KIF1A: variants seen among roughly 807,000 people sequenced by gnomAD.
The protein encoded by KIF1A is kinesin-like protein KIF1A.
Under a neutral mutation model 227.3 loss-of-function variants are expected in KIF1A, and 46 were observed. That is an observed-to-expected ratio of 0.20 (90% CI 0.16 to 0.26). The LOEUF is 0.26. Among genes scored for constraint, KIF1A ranks in the 10% least tolerant of loss-of-function variants. The pLI is 1.00. For synonymous variants in KIF1A, 1,022 were observed against 1,012.8 expected (o/e 1.01, Z -0.17); for missense variants, 1,683 against 2,485.9 (o/e 0.68, Z 6.87).
chr2:240,796,645 A>C (rs1481240450), intron 2 of KIF1A, among the ~76,000 whole-genome samples: 3 of 152,206 alleles, frequency 2.0e-5, no homozygotes, highest in Non-Finnish European at 2.9e-5. Context: ...CAGCCGCAGC[A>C]GCCTCCATAC....
chr2:240,767,554 AG>A, intron 17 of KIF1A, among the ~76,000 whole-genome samples: 1 of 152,358 alleles, frequency 6.6e-6, no homozygotes, highest in Non-Finnish European at 1.5e-5. Flanking sequence ...CAACAGCAGC[AG>A]GCCGGTGGGA....
rs994298069 is a variant in KIF1A at position 240,740,420 on chromosome 2, G to A, written c.3750-56C>T. 1.7e-5 allele frequency: 25 copies of A among 1,449,642 alleles called. No homozygotes were observed. The highest frequency in any genetic ancestry group is 4.5e-5 in the East Asian group (2 of 44,092). The allele number at this position is 1,449,642 out of a possible 1,614,324, so 89.8% of individuals were successfully genotyped here. A position where few individuals can be genotyped will look rare whatever the true frequency, so the allele number is the denominator to read the frequency against. ...CCAGCCCCTCCTCTCTGCCCTCCCC[G>A]CAGCACAGGACACAGTGGACGGGAG... On this transcript the variant is annotated intron_variant, in intron 35 of 48. Coordinates refer to ENST00000498729, the MANE Select transcript of KIF1A (RefSeq NM_001244008.2). The surrounding 1 kb of genome is among the most constrained non-coding windows in gnomAD (Gnocchi z 6.1).
chr2:240,718,677 A>C (rs1361929324), intron 47 of KIF1A, among the ~76,000 whole-genome samples: 1 of 152,188 alleles, frequency 6.6e-6, no homozygotes, highest in Non-Finnish European at 1.5e-5. Flanking sequence ...CCATTCCTGC[A>C]GGGCTGGTGC....
intron 48 of KIF1A, 62 bp downstream of exon 48, chr2:240,717,988 G>A (rs546641306): frequency 3.7e-6 from 4 of 1,075,900 alleles, no homozygotes; most frequent in African/African-American, 1.6e-5. Flanking sequence ...AATGGTCCTG[G>A]CCAGGAGCCG....
intron 25 of KIF1A, among the ~76,000 whole-genome samples, chr2:240,759,257 G>A (rs933443257): frequency 6.6e-6 from 1 of 152,018 alleles, no homozygotes; most frequent in African/African-American, 2.4e-5. Flanking sequence ...GGGGGGCACT[G>A]CAGGCTGGGG....
In KIF1A at chr2:240,741,348, G is replaced by A. The variant is rs368577433; in HGVS notation, c.3670C>T (p.Arg1224Trp). The A allele has an allele frequency of 2.7e-5, 43 of 1,586,270 alleles. No homozygotes were observed. The highest frequency in any genetic ancestry group is 3.4e-5 in the South Asian group (3 of 87,710). The change falls in exon 35 of 49, where the codon CGG (arginine) becomes TGG (tryptophan). Residue 1224 changes from arginine (R) to tryptophan (W), a missense_variant. Arg to Trp is a moderately radical substitution (Grantham distance 101). This residue lies in a region of KIF1A where 759 missense variants were observed against 1,020.2 expected (regional missense o/e 0.74). Transcript: ENST00000498729. ...VPATKLSTLT[R>W]PCPGPCHCKY... is the part of the protein sequence containing the mutation. ...CAGTGGCAGGGTCCCGGACAGGGCC[G>A]CGTCAGTGTGCTGAGCTTGGTGGCG...
chr2:240,790,993 C>G lies in KIF1A; in HGVS notation c.107-1681G>C, dbSNP rs1039752107. On this transcript the variant is annotated intron_variant, in intron 2 of 48. Transcript: ENST00000498729. This position sits in a 1 kb window ranked among gnomAD's most constrained non-coding sequence, Gnocchi z 5.0. ...TTGCTGACAGCACAGGCATCACTGG[C>G]AGCCTTGTCGCCAGGGCAGATCCAG... Among the ~76,000 whole-genome samples, 21 of 152,178 alleles carry G rather than the reference C, an allele frequency of 1.4e-4. No homozygotes were observed. Among genetic ancestry groups the G allele is most frequent in the African/African-American group, 5.1e-4 (21 of 41,432 alleles).
intron 42 of KIF1A, 132 bp from the exon 43 acceptor site, chr2:240,722,788 G>A (rs1373942479): frequency 1.5e-5 from 10 of 685,312 alleles, no homozygotes; most frequent in Non-Finnish European, 1.9e-5. Flanking sequence ...TAAGACTGAA[G>A]ACTGACAGCC....
At chr2:240,750,371 A>T in intron 28 of KIF1A, 58 bp downstream of exon 28, 1 of 1,321,774 alleles carries the variant, frequency 7.6e-7, no homozygotes, top group Non-Finnish European at 1.1e-6. Context: ...CTGCCTGCAA[A>T]GGTCAGAGCC....
Position 240,775,088 on chromosome 2 carries a change from G to A in KIF1A, c.958+763C>T, listed in dbSNP as rs561169530. Among the ~76,000 whole-genome samples the A allele has an allele frequency of 1.6e-4, 25 of 152,336 alleles. No homozygotes were observed. Among genetic ancestry groups the A allele is most frequent in the African/African-American group, 5.8e-4 (24 of 41,578 alleles). On this transcript the variant is annotated intron_variant, in intron 11 of 48. Coordinates refer to ENST00000498729, the MANE Select transcript of KIF1A (RefSeq NM_001244008.2). This position sits in a 1 kb window ranked among gnomAD's most constrained non-coding sequence, Gnocchi z 5.5. ...GGCTCCTTCCCAGCCCACGTCTCAG[G>A]TGAAGGAACACACTCTCCTCCTCTC...
At position 240,778,014 on chromosome 2, in the gene KIF1A, G is replaced by C. The variant is rs971639310; in HGVS notation, c.883-2088C>G. 6.6e-6 allele frequency among the ~76,000 whole-genome samples: 1 copy of C among 152,112 alleles called. No individual in the cohort carries two copies. The highest frequency in any genetic ancestry group is 1.5e-5 in the Non-Finnish European group (1 of 68,014). ...AAGGAGCTCTCGCCGTTCCCCGCAC[G>C]GTTCCCACGCGGCTGCTCGCAGCTC... On this transcript the variant is annotated intron_variant, in intron 10 of 48. Transcript: ENST00000498729. The surrounding 1 kb of genome is among the most constrained non-coding windows in gnomAD (Gnocchi z 7.2).
chr2:240,720,892 C>T (rs1288127581), intron 45 of KIF1A, 22 bp downstream of exon 45: 24 of 1,538,194 alleles, frequency 1.6e-5, no homozygotes, highest in African/African-American at 5.4e-5. Flanking sequence ...GAAGCCACTC[C>T]GGGAGCCTGG....
intron 1 of KIF1A, among the ~76,000 whole-genome samples, chr2:240,817,690 A>G (rs1194821194): frequency 6.6e-6 from 1 of 152,014 alleles, no homozygotes; most frequent in East Asian, 1.9e-4. Context: ...TCCCGTCCCC[A>G]CCACACCCAG....
chr2:240,789,634 C>T lies in KIF1A; in HGVS notation c.107-322G>A, dbSNP rs573480259. 2.6e-5 allele frequency among the ~76,000 whole-genome samples: 4 copies of T among 152,330 alleles called. No individual in the cohort carries two copies. The highest frequency in any genetic ancestry group is 6.5e-5 in the Admixed American group (1 of 15,312). ...GAGGATCCTTCCCACCTGCAAGCTG[C>T]GGCCCCTCCATCTCTGGTGTCCACC... On this transcript the variant is annotated intron_variant, in intron 2 of 48. Transcript: ENST00000498729. The surrounding 1 kb of genome is among the most constrained non-coding windows in gnomAD (Gnocchi z 4.8).
intron 23 of KIF1A, 97 bp from the exon 24 acceptor site, chr2:240,761,474 G>A (rs2050523262): frequency 8.3e-7 from 1 of 1,208,310 alleles, no homozygotes; most frequent in Non-Finnish European, 1.1e-6. Context: ...GCCACTCCAT[G>A]GGGCTGCCTA....
chr2:240,737,551 AAGGGAGGG>A (rs943163743), intron 37 of KIF1A: 6 of 135,858 alleles, frequency 4.4e-5, no homozygotes, highest in African/African-American at 1.1e-4. Flanking sequence ...ATAACAAGGA[AAGGGAGGG>A]AGGGAGGGAG....
chr2:240,740,438 G>A lies in KIF1A; in HGVS notation c.3750-74C>T, dbSNP rs2047825844. 7.7e-7 allele frequency: 1 copy of A among 1,295,002 alleles called. No homozygotes were observed. Among genetic ancestry groups the A allele is most frequent in the Non-Finnish European group, 1.1e-6 (1 of 899,300 alleles). 80.2% of individuals were successfully genotyped at this position (1,295,002 alleles called of 1,614,324 possible). ...CCTCCCCGCAGCACAGGACACAGTG[G>A]ACGGGAGCAAAAACAGGGAAAAGTC... On this transcript the variant is annotated intron_variant, in intron 35 of 48. Transcript: ENST00000498729. This position sits in a 1 kb window ranked among gnomAD's most constrained non-coding sequence, Gnocchi z 6.1.
chr2:240,735,864 C>A (rs2047254312), intron 38 of KIF1A, among the ~76,000 whole-genome samples: 1 of 152,158 alleles, frequency 6.6e-6, no homozygotes, highest in Non-Finnish European at 1.5e-5. Context: ...AGAACACCCC[C>A]CGGATTCTCC....
At chr2:240,782,697 G>A (rs1192368475) in intron 9 of KIF1A, 90 bp from the exon 10 acceptor site, 20 of 1,352,826 alleles carry the variant, frequency 1.5e-5, no homozygotes, top group East Asian at 2.5e-5. Flanking sequence ...CGGCTGCCTC[G>A]CCCTGGCCAT....
Sources: allele counts gnomAD v4.1 joint callset (sites outside exome capture counted in the v4.1 genomes callset), GRCh38; gene constraint gnomAD v4.1.1; regional missense constraint gnomAD v4.1.1; non-coding constraint Gnocchi (gnomAD v3.1); transcripts MANE v1.5; gene names NCBI Gene and HGNC (gene_info 2026-07-23, HGNC 2026-07-21).